The following TANK variants were observed in gnomAD, a reference collection of about 807,000 sequenced individuals.
The protein encoded by TANK is TRAF family member associated NFKB activator, also known as TRAF family member-associated NF-kappa-B activator.
Under a neutral mutation model 43.6 loss-of-function variants are expected in TANK, and 15 were observed. The observed-to-expected ratio is 0.34, with a 90% CI of 0.23 to 0.53. The LOEUF is 0.53. Among genes scored for constraint, TANK ranks in the 20% least tolerant of loss-of-function variants. The probability of loss-of-function intolerance (pLI) is 0.94; values close to 1 mark genes in which losing one functional copy is unlikely to be tolerated. For synonymous variants in TANK, 162 were observed against 178.2 expected (o/e 0.91, Z 0.73); for missense variants, 417 against 498.6 (o/e 0.84, Z 1.56).
chr2:161,174,394 C>T (rs1008329808), intron 1 of TANK, among the ~76,000 whole-genome samples: 1 of 152,112 alleles, frequency 6.6e-6, no homozygotes, highest in Non-Finnish European at 1.5e-5. Context: ...CTCTTTACTT[C>T]CAGGACACTC....
intron 1 of TANK, among the ~76,000 whole-genome samples, chr2:161,163,794 T>C (rs980526137): frequency 4.6e-5 from 7 of 152,240 alleles, no homozygotes; most frequent in African/African-American, 1.7e-4. Flanking sequence ...ATAGTTCAGG[T>C]ATGTGCATGG....
At chr2:161,144,328 G>A (rs914186135) in intron 1 of TANK, among the ~76,000 whole-genome samples, 36 of 152,072 alleles carry the variant, frequency 2.4e-4, no homozygotes, top group Non-Finnish European at 5.9e-5. Flanking sequence ...TCTGAACTTA[G>A]TTATTTCTTG....
At chr2:161,183,313 G>C (rs544984151) in intron 2 of TANK, among the ~76,000 whole-genome samples, 21 of 152,256 alleles carry the variant, frequency 1.4e-4, no homozygotes, top group African/African-American at 5.1e-4. Flanking sequence ...CAGTATGAGA[G>C]AGGGCTTTCT....
intron 1 of TANK, among the ~76,000 whole-genome samples, chr2:161,178,233 T>G (rs1685254941): frequency 6.6e-6 from 1 of 152,076 alleles, no homozygotes; most frequent in African/African-American, 2.4e-5. Context: ...GCTTTATTCA[T>G]AACAGCCAAA....
intron 5 of TANK, 54 bp from the exon 6 acceptor site, chr2:161,224,576 TA>T: frequency 1.3e-6 from 1 of 789,612 alleles, no homozygotes; most frequent in Non-Finnish European, 1.9e-6. Context: ...TTTGATTATT[TA>T]AAAAACTTGG....
At chr2:161,146,121 T>G (rs1055570612) in intron 1 of TANK, among the ~76,000 whole-genome samples, 1 of 152,214 alleles carries the variant, frequency 6.6e-6, no homozygotes, top group Non-Finnish European at 1.5e-5. Flanking sequence ...ATTCGGCTAT[T>G]GATACTTGTG....
At chr2:161,160,301 G>C (rs537557575), upstream of TANK, 92 of 592,040 alleles carry the variant, frequency 1.6e-4, no homozygotes, top group African/African-American at 1.7e-3. Flanking sequence ...CGGGGCAGAA[G>C]AGCCCTGGGC....
At chr2:161,137,313 C>T (rs575684588) in intron 1 of TANK, 2 of 920,832 alleles carry the variant, frequency 2.2e-6, no homozygotes, top group East Asian at 2.4e-4. Context: ...CACTTGAGCC[C>T]AGGAGTTTGA....
At chr2:161,147,119 T>C (rs1050715860) in intron 1 of TANK, among the ~76,000 whole-genome samples, 6 of 151,898 alleles carry the variant, frequency 4.0e-5, no homozygotes, top group African/African-American at 1.5e-4. Context: ...CCACAGCTGG[T>C]GTGTTGGGGT....
At chr2:161,176,781 T>A (rs547008756) in intron 1 of TANK, among the ~76,000 whole-genome samples, 1 of 152,198 alleles carries the variant, frequency 6.6e-6, no homozygotes, top group Admixed American at 6.5e-5. Context: ...AGGGACTAGA[T>A]GGATTTCCAG....
chr2:161,139,035 A>G (rs1467584534), intron 1 of TANK, among the ~76,000 whole-genome samples: 3 of 152,150 alleles, frequency 2.0e-5, no homozygotes, highest in African/African-American at 7.2e-5. Context: ...CTAACTAATT[A>G]TTGCTGGCTT....
chr2:161,149,451 C>T (rs911312591), intron 1 of TANK, among the ~76,000 whole-genome samples: 1 of 152,140 alleles, frequency 6.6e-6, no homozygotes, highest in African/African-American at 2.4e-5. Flanking sequence ...TTTACCTCTT[C>T]CTTTCCAATT....
rs149341989 is a variant in TANK at position 161,184,503 on chromosome 2, A to G, written c.99+4742A>G. On this transcript the variant is annotated intron_variant, in intron 2 of 7. Coordinates refer to ENST00000392749, the MANE Select transcript of TANK (RefSeq NM_001199135.3). ...ACATACTAAATGTATGCACATATAT[A>G]TTATACCTCAATTTTTTAAAAAAGT... 4.7e-3 allele frequency among the ~76,000 whole-genome samples: 717 copies of G among 152,314 alleles called. 5 individuals are homozygous for G. Among genetic ancestry groups the G allele is most frequent in the Non-Finnish European group, 4.4e-3 (299 of 68,028 alleles).
At chr2:161,162,514 C>G (rs1163754641) in intron 1 of TANK, 1 of 151,990 alleles carries the variant, frequency 6.6e-6, no homozygotes, top group East Asian at 1.9e-4. Context: ...CATCTTATCT[C>G]TTTCTTTCTT....
chr2:161,155,212 C>T (rs1291836686), intron 1 of TANK, among the ~76,000 whole-genome samples: 1 of 152,002 alleles, frequency 6.6e-6, no homozygotes, highest in Non-Finnish European at 1.5e-5. Context: ...TTCCTGCCAC[C>T]TCTCTCCCAC....
At chr2:161,228,546 A>C (rs566562971) in intron 6 of TANK, among the ~76,000 whole-genome samples, 21 of 152,384 alleles carry the variant, frequency 1.4e-4, no homozygotes, top group Non-Finnish European at 2.1e-4. Context: ...AAAAAAAAAA[A>C]AGTTAATATC....
chr2:161,224,863 T>TAAAAAAAAA, intron 6 of TANK, 117 bp downstream of exon 6: 1 of 576,396 alleles, frequency 1.7e-6, no homozygotes, highest in Non-Finnish European at 3.0e-6. Context: ...AATTTACCCC[T>TAAAAAAAAA]CATCCACGTA....
rs764227727 is a variant in TANK at position 161,231,287 on chromosome 2, C to T, written c.837C>T (p.Asn279=). Residue 279 remains asparagine, a synonymous_variant, in exon 7 of 8, where the codon AAC becomes AAT. Coordinates refer to ENST00000392749, the MANE Select transcript of TANK (RefSeq NM_001199135.3). ...TGGAGTTCAGAGACAACCCAGGGAA[C>T]TTTGTTAAAACAGAAGAAACTTTAT... ...FNMEFRDNPG[N]FVKTEETLFE... 4.9e-5 allele frequency: 79 copies of T among 1,613,982 alleles called. No individual in the cohort carries two copies. The highest frequency in any genetic ancestry group is 6.4e-5 in the Non-Finnish European group (76 of 1,180,024).
chr2:161,192,861 TACTGAA>T (rs1685980392), intron 2 of TANK, among the ~76,000 whole-genome samples: 1 of 152,208 alleles, frequency 6.6e-6, no homozygotes, highest in Non-Finnish European at 1.5e-5. Flanking sequence ...GCAGAATCTA[TACTGAA>T]ACTAGGTTTA....
Sources: allele counts gnomAD v4.1 joint callset (sites outside exome capture counted in the v4.1 genomes callset), GRCh38; gene constraint gnomAD v4.1.1; transcripts MANE v1.5; gene names NCBI Gene and HGNC (gene_info 2026-07-23, HGNC 2026-07-21).